Variants in CDH17 observed in about 807,000 individuals in gnomAD.
The protein encoded by CDH17 is cadherin-17.
A neutral mutation model predicts 86.3 loss-of-function variants in CDH17; 67 were observed. The ratio of observed to expected loss-of-function variants is 0.78; its 90% CI spans 0.64 to 0.95. The LOEUF is 0.95. Among genes scored for constraint, CDH17 ranks in the 40% least tolerant of loss-of-function variants. CDH17 has a pLI of 0.00. For missense variants in CDH17, 993 were observed against 1,017.6 expected (o/e 0.98, Z 0.33); for synonymous variants, 367 against 366.4 (o/e 1.00, Z -0.02).
At chr8:94,163,979 T>C (rs77195401) in intron 10 of CDH17, among the ~76,000 whole-genome samples, 2,652 of 152,340 alleles carry the variant, frequency 0.017, 37 homozygotes, top group Middle Eastern at 0.071. Flanking sequence ...GTCTCTAGTT[T>C]TCTGTAGTGC....
At position 94,170,525 on chromosome 8, in the gene CDH17, T is replaced by C; in HGVS notation, c.938A>G (p.Lys313Arg). ...KDAYVFYAVA[K>R]DEYGKPLSYP... ...TGAAAGTGGTTTTCCGTACTCATCC[T>C]TTGCAACTGCATAAAAAACATACTA... Residue 313 changes from lysine to arginine, a missense_variant, in exon 9 of 18, where the codon AAG (lysine) becomes AGG (arginine). Lys to Arg is a conservative substitution (Grantham distance 26). Coordinates refer to ENST00000027335, the MANE Select transcript of CDH17 (RefSeq NM_004063.4). 1.2e-6 allele frequency: 2 copies of C among 1,613,840 alleles called. No homozygotes were observed. Among genetic ancestry groups the C allele is most frequent in the Non-Finnish European group, 1.7e-6 (2 of 1,179,828 alleles).
chr8:94,191,599 C>G (rs1035813680), intron 2 of CDH17, among the ~76,000 whole-genome samples: 4 of 55,892 alleles, frequency 7.2e-5, no homozygotes, highest in Non-Finnish European at 1.6e-4. Context: ...TTACAGGCAC[C>G]CCCCCACCAT....
At chr8:94,165,146 C>T (rs1813128036) in intron 10 of CDH17, among the ~76,000 whole-genome samples, 1 of 152,120 alleles carries the variant, frequency 6.6e-6, no homozygotes, top group Non-Finnish European at 1.5e-5. Flanking sequence ...CCTGGCAGAC[C>T]TCCAACAACA....
intron 9 of CDH17, among the ~76,000 whole-genome samples, chr8:94,167,250 C>A (rs1349525612): frequency 6.6e-6 from 1 of 152,126 alleles, no homozygotes. Flanking sequence ...GGTTCTGCAC[C>A]CAGCTCTGGG....
chr8:94,153,942 G>A (rs908631431), intron 12 of CDH17, among the ~76,000 whole-genome samples: 4 of 152,128 alleles, frequency 2.6e-5, no homozygotes, highest in African/African-American at 9.7e-5. Flanking sequence ...CAGTTAGAAG[G>A]AATGAGTTTA....
intron 3 of CDH17, among the ~76,000 whole-genome samples, chr8:94,185,594 A>G (rs375469432): frequency 6.6e-6 from 1 of 152,164 alleles, no homozygotes; most frequent in Non-Finnish European, 1.5e-5. Flanking sequence ...GTGGACCTGT[A>G]CTCACAGAAC....
upstream of CDH17, among the ~76,000 whole-genome samples, chr8:94,212,240 T>G (rs1243435784): frequency 6.6e-6 from 1 of 152,138 alleles, no homozygotes; most frequent in Non-Finnish European, 1.5e-5. Context: ...ACCGCAGCCT[T>G]GGCCCTTCAG....
At position 94,201,873 on chromosome 8, in the gene CDH17, A is replaced by AT. The variant is rs373365453; in HGVS notation, c.-21+6609dup. 1.5e-3 allele frequency: 230 copies of AT among 155,466 alleles called. 3 individuals are homozygous for AT. The South Asian group carries it at 0.017, about 12-fold the overall frequency. The allele number at this position is 155,466 out of a possible 1,614,324, so 9.6% of individuals were successfully genotyped here. ...CCAAGGGGATTAACGGCATTCATTT[A>AT]TTTTTTTTTAGTTACATAATTAGGT... On this transcript the variant is annotated intron_variant, in intron 1 of 17. Coordinates refer to ENST00000027335, the MANE Select transcript of CDH17 (RefSeq NM_004063.4).
At position 94,160,008 on chromosome 8, in the gene CDH17, T is replaced by G; in HGVS notation, c.1514A>C (p.Asp505Ala). 1.2e-6 allele frequency: 2 copies of G among 1,613,212 alleles called. No individual in the cohort carries two copies. The highest frequency in any genetic ancestry group is 1.7e-6 in the Non-Finnish European group (2 of 1,179,580). ...DSEGRLGVDTDPHTNTGYVII... is the reference protein window; with the variant it reads ...DSEGRLGVDTAPHTNTGYVII... Reference sequence around the variant, plus strand: ...GACATATCCGGTGTTGGTATGGGGATCTGTGTCAACCCCCAGGCGTCCCTC... The same window carrying G: ...GACATATCCGGTGTTGGTATGGGGAGCTGTGTCAACCCCCAGGCGTCCCTC... The change falls in exon 12 of 18, where the codon GAT (aspartate) becomes GCT (alanine). Residue 505 changes from aspartate (D) to alanine (A), a missense_variant. Coordinates refer to ENST00000027335, the MANE Select transcript of CDH17 (RefSeq NM_004063.4).
At position 94,165,960 on chromosome 8, in the gene CDH17, G is replaced by T. The variant is rs1312812605; in HGVS notation, c.1083C>A (p.Thr361=). ...CTTCATCCCTGTCATGTGCAGTAAG[G>T]GTCCCGATACTGTTACCTATGAGGA... ...ENERLGNSIG[T]LTAHDRDEEN... The change falls in exon 10 of 18, where the codon ACC becomes ACA. Residue 361 remains threonine (T), a synonymous_variant. Coordinates refer to ENST00000027335, the MANE Select transcript of CDH17 (RefSeq NM_004063.4). The T allele has an allele frequency of 3.7e-6, 6 of 1,611,710 alleles. No individual in the cohort carries two copies. The highest frequency in any genetic ancestry group is 1.3e-5 in the African/African-American group (1 of 74,854).
Position 94,127,368 on chromosome 8 carries a change from G to C in CDH17, c.*872C>G, listed in dbSNP as rs1812322326. On this transcript the variant is annotated 3_prime_UTR_variant, in exon 18 of 18. Coordinates refer to ENST00000027335, the MANE Select transcript of CDH17 (RefSeq NM_004063.4). ...TTCCTTTACCAAGGTTTGCAGAGTA[G>C]GTTGTGTTTGAACACCTTCTGTGGG... is the stretch of plus-strand genomic sequence containing the variant. The C allele has an allele frequency of 6.6e-6, 1 of 152,262 alleles. No homozygotes were observed. The highest frequency in any genetic ancestry group is 2.1e-4 in the South Asian group (1 of 4,832). The allele number at this position is 152,262 out of a possible 1,614,324, so 9.4% of individuals were successfully genotyped here. A position where few individuals can be genotyped will look rare whatever the true frequency, so the allele number is the denominator to read the frequency against.
At chr8:94,128,655 T>C (rs867888356) in intron 17 of CDH17, among the ~76,000 whole-genome samples, 14 of 152,320 alleles carry the variant, frequency 9.2e-5, no homozygotes, top group Non-Finnish European at 1.9e-4. Context: ...TCCCACACTA[T>C]AGAGTGTATA....
intron 14 of CDH17, among the ~76,000 whole-genome samples, chr8:94,148,494 A>G (rs1428890553): frequency 7.3e-6 from 1 of 137,160 alleles, no homozygotes; most frequent in Non-Finnish European, 1.5e-5. Flanking sequence ...GTGAGTGGAG[A>G]TCGCACCACT....
chr8:94,139,171 T>G (rs564743913), intron 15 of CDH17, among the ~76,000 whole-genome samples: 1 of 152,208 alleles, frequency 6.6e-6, no homozygotes, highest in Admixed American at 6.5e-5. Flanking sequence ...CCAAGTTAAT[T>G]TATAGAAGAA....
intron 9 of CDH17, among the ~76,000 whole-genome samples, chr8:94,168,111 T>TAC (rs1813193836): frequency 3.2e-4 from 5 of 15,760 alleles, no homozygotes; most frequent in African/African-American, 1.1e-3. Context: ...TATATATATA[T>TAC]ATATATATAT....
At chr8:94,131,291 C>T (rs1323302220) in intron 15 of CDH17, among the ~76,000 whole-genome samples, 1 of 152,192 alleles carries the variant, frequency 6.6e-6, no homozygotes, top group Non-Finnish European at 1.5e-5. Flanking sequence ...TTAATGAATG[C>T]TGAACCATTG....
intron 4 of CDH17, 98 bp from the exon 5 acceptor site, chr8:94,176,777 G>C: frequency 5.8e-6 from 7 of 1,216,982 alleles, no homozygotes; most frequent in Non-Finnish European, 8.1e-6. Context: ...AGAACCAATG[G>C]CCTGGTGACT....
At chr8:94,155,116 T>C (rs1238131890) in intron 12 of CDH17, among the ~76,000 whole-genome samples, 2 of 152,072 alleles carry the variant, frequency 1.3e-5, no homozygotes, top group African/African-American at 4.8e-5. Flanking sequence ...GATAAAATCA[T>C]GTAAGCCAGC....
chr8:94,161,945 A>G, intron 11 of CDH17, 141 bp downstream of exon 11: 1 of 546,452 alleles, frequency 1.8e-6, no homozygotes, highest in Non-Finnish European at 3.3e-6. Flanking sequence ...TGAAGATGGC[A>G]TCTGGGTTAT....
Sources: allele counts gnomAD v4.1 joint callset (sites outside exome capture counted in the v4.1 genomes callset), GRCh38; gene constraint gnomAD v4.1.1; transcripts MANE v1.5; gene names NCBI Gene and HGNC (gene_info 2026-07-23, HGNC 2026-07-21).